Variants in CCDC91 observed in about 807,000 individuals in gnomAD.
The protein encoded by CCDC91 is coiled-coil domain containing 91.
A neutral mutation model predicts 63.2 loss-of-function variants in CCDC91; 48 were observed. The observed-to-expected ratio is 0.76, with a 90% CI of 0.60 to 0.97. CCDC91 has a LOEUF of 0.97. Ranked by LOEUF, CCDC91 falls within the 50% of genes least tolerant of loss-of-function variation. The pLI, the probability that CCDC91 is intolerant of heterozygous loss-of-function variation, is 0.00. For synonymous variants in CCDC91, 167 were observed against 165.8 expected (o/e 1.01, Z -0.06); for missense variants, 500 against 494.6 (o/e 1.01, Z -0.10).
intron 12 of CCDC91, among the ~76,000 whole-genome samples, chr12:28,517,397 C>T (rs527905486): frequency 6.6e-6 from 1 of 151,990 alleles, no homozygotes; most frequent in South Asian, 2.1e-4. Context: ...ACTTGCAACA[C>T]GTTTGAACAG....
intron 12 of CCDC91, among the ~76,000 whole-genome samples, chr12:28,531,559 T>A (rs1289579733): frequency 6.6e-6 from 1 of 152,178 alleles, no homozygotes; most frequent in Non-Finnish European, 1.5e-5. Context: ...CCATCACTCA[T>A]GTACTGAGTA....
chr12:28,469,065 TA>T (rs1023122170), intron 11 of CCDC91, among the ~76,000 whole-genome samples: 23 of 152,058 alleles, frequency 1.5e-4, no homozygotes, highest in African/African-American at 5.3e-4. Context: ...TTATTCATCG[TA>T]GTACTGGAAG....
intron 3 of CCDC91, among the ~76,000 whole-genome samples, chr12:28,272,212 A>G (rs1013631027): frequency 8.6e-5 from 13 of 151,974 alleles, no homozygotes; most frequent in African/African-American, 2.9e-4. Flanking sequence ...CTACATAAAG[A>G]TACCTTATTT....
intron 12 of CCDC91, among the ~76,000 whole-genome samples, chr12:28,486,482 A>C (rs1951731989): frequency 6.6e-6 from 1 of 152,186 alleles, no homozygotes; most frequent in Non-Finnish European, 1.5e-5. Context: ...TTATATAACA[A>C]AGCAAACTCA....
At chr12:28,453,238 C>A (rs1555217117) in intron 11 of CCDC91, among the ~76,000 whole-genome samples, 1 of 151,870 alleles carries the variant, frequency 6.6e-6, no homozygotes, top group Non-Finnish European at 1.5e-5. Context: ...GTTTGTTTTT[C>A]TGTAATTGAA....
At position 28,246,430 on chromosome 12, in the gene CCDC91, A is replaced by T. The variant is rs563487627; in HGVS notation, c.-14-10772A>T. Among the ~76,000 whole-genome samples, 5 of 152,232 alleles carry T rather than the reference A, an allele frequency of 3.3e-5. No individual in the cohort carries two copies. The East Asian group carries it at 9.6e-4, about 29-fold the overall frequency. On this transcript the variant is annotated intron_variant, in intron 1 of 12. Transcript: ENST00000536442. Reference sequence around the variant, plus strand: ...CATTCTTGTGCCTTGATATTGTGATATATTTGTAGACTTTTTTTTACAGGA... The same window carrying T: ...CATTCTTGTGCCTTGATATTGTGATTTATTTGTAGACTTTTTTTTACAGGA...
intron 6 of CCDC91, among the ~76,000 whole-genome samples, chr12:28,353,828 G>A (rs1565844368): frequency 1.3e-5 from 2 of 152,102 alleles, no homozygotes; most frequent in Non-Finnish European, 2.9e-5. Flanking sequence ...GACACAGAGT[G>A]AGCACACAAC....
chr12:28,193,350 C>T (rs1003202749), intron 1 of CCDC91, among the ~76,000 whole-genome samples: 8 of 152,172 alleles, frequency 5.3e-5, no homozygotes, highest in African/African-American at 1.2e-4. Context: ...GACTTGTAAT[C>T]CCAGCACTTT....
At chr12:28,469,599 A>G (rs1377608166) in intron 11 of CCDC91, among the ~76,000 whole-genome samples, 1 of 152,160 alleles carries the variant, frequency 6.6e-6, no homozygotes, top group Non-Finnish European at 1.5e-5. Flanking sequence ...TGTAATTTAT[A>G]TGGAATCACA....
intron 7 of CCDC91, among the ~76,000 whole-genome samples, chr12:28,371,375 A>G (rs918967214): frequency 1.3e-5 from 2 of 152,180 alleles, no homozygotes; most frequent in Non-Finnish European, 2.9e-5. Flanking sequence ...CTAATGCCTG[A>G]TGATCTGAGG....
chr12:28,215,067 C>T (rs4931078), intron 1 of CCDC91, among the ~76,000 whole-genome samples: 88,612 of 152,008 alleles, frequency 0.58, 25,897 homozygotes, highest in East Asian at 0.61. Flanking sequence ...CTCAATTGAA[C>T]ATGTGAGTAG....
At chr12:28,348,271 A>G (rs539548714) in intron 6 of CCDC91, among the ~76,000 whole-genome samples, 15 of 152,296 alleles carry the variant, frequency 9.8e-5, no homozygotes, top group African/African-American at 3.1e-4. Context: ...AATTTGCTCC[A>G]TAGCCATCTG....
At chr12:28,211,640 C>T (rs977864649) in intron 1 of CCDC91, among the ~76,000 whole-genome samples, 8 of 152,112 alleles carry the variant, frequency 5.3e-5, no homozygotes, top group East Asian at 1.9e-4. Context: ...TGTAAGAGTT[C>T]GTTGCCTCTT....
chr12:28,462,337 A>G (rs1211696804), intron 11 of CCDC91, among the ~76,000 whole-genome samples: 1 of 152,152 alleles, frequency 6.6e-6, no homozygotes, highest in Non-Finnish European at 1.5e-5. Context: ...ATAGTTAAGG[A>G]TGAAATAAAA....
intron 12 of CCDC91, among the ~76,000 whole-genome samples, chr12:28,487,559 C>T (rs1951790584): frequency 1.3e-5 from 2 of 151,706 alleles, no homozygotes; most frequent in African/African-American, 4.8e-5. Context: ...ATTAGGGCAA[C>T]TCACATCTAC....
chr12:28,256,494 T>G (rs1185381481), intron 1 of CCDC91, among the ~76,000 whole-genome samples: 1 of 152,050 alleles, frequency 6.6e-6, no homozygotes, highest in East Asian at 1.9e-4. Context: ...GATATACATT[T>G]AGGACTAAAA....
At chr12:28,207,684 T>C (rs1285749897) in intron 1 of CCDC91, among the ~76,000 whole-genome samples, 1 of 152,236 alleles carries the variant, frequency 6.6e-6, no homozygotes, top group Non-Finnish European at 1.5e-5. Context: ...ACATTGGTTA[T>C]AAACTATTTT....
intron 12 of CCDC91, among the ~76,000 whole-genome samples, chr12:28,515,768 C>A (rs183985648): frequency 6.6e-6 from 1 of 151,934 alleles, no homozygotes; most frequent in African/African-American, 2.4e-5. Context: ...TTTCGTTTAA[C>A]ATAGATTCTA....
intron 12 of CCDC91, among the ~76,000 whole-genome samples, chr12:28,544,656 T>C (rs1942860476): frequency 6.6e-6 from 1 of 151,960 alleles, no homozygotes. Flanking sequence ...TTCAAAACAA[T>C]GAATTATATC....
Sources: allele counts gnomAD v4.1 joint callset (sites outside exome capture counted in the v4.1 genomes callset), GRCh38; gene constraint gnomAD v4.1.1; transcripts MANE v1.5; gene names NCBI Gene and HGNC (gene_info 2026-07-23, HGNC 2026-07-21).